The following RBFOX1 variants were observed in gnomAD, a reference collection of about 807,000 sequenced individuals.
The protein encoded by RBFOX1 is RNA binding protein fox-1 homolog 1.
In RBFOX1, 8 loss-of-function variants were observed where a neutral mutation model predicts 57.7. The observed-to-expected ratio is 0.14, with a 90% CI of 0.08 to 0.25. RBFOX1 has a LOEUF of 0.25. RBFOX1 is among the 10% of genes least tolerant of loss of function. RBFOX1 has a pLI of 1.00. For synonymous variants in RBFOX1, 326 were observed against 222.4 expected, an observed-to-expected ratio of 1.47 and a Z score of -4.15; for missense variants, 611 against 548.5, an observed-to-expected ratio of 1.11 and a Z score of -1.14.
intron 4 of RBFOX1, among the ~76,000 whole-genome samples, chr16:7,485,956 G>A (rs2065250708): frequency 1.3e-5 from 2 of 152,226 alleles, no homozygotes; most frequent in South Asian, 4.1e-4. Context: ...CTACAACTGT[G>A]AAGTTGAGTT....
intron 12 of RBFOX1, among the ~76,000 whole-genome samples, chr16:7,661,038 C>G (rs1442319364): frequency 6.6e-6 from 1 of 152,180 alleles, no homozygotes; most frequent in Non-Finnish European, 1.5e-5. Flanking sequence ...AGACTAGGGA[C>G]TGATCCATGG....
chr16:5,629,170 T>A (rs2048430369), intron 3 of RBFOX1, among the ~76,000 whole-genome samples: 2 of 152,220 alleles, frequency 1.3e-5, no homozygotes, highest in African/African-American at 4.8e-5. Context: ...CAGGGCTGGA[T>A]AAGCAACCTG....
At chr16:5,623,856 A>G (rs1038497614) in intron 3 of RBFOX1, among the ~76,000 whole-genome samples, 1 of 152,184 alleles carries the variant, frequency 6.6e-6, no homozygotes, top group African/African-American at 2.4e-5. Context: ...CTATTGAGAT[A>G]TCATTCATAT....
intron 3 of RBFOX1, among the ~76,000 whole-genome samples, chr16:6,770,758 C>G (rs1390546730): frequency 6.6e-6 from 1 of 152,148 alleles, no homozygotes; most frequent in Non-Finnish European, 1.5e-5. Flanking sequence ...ATTCATTCTT[C>G]TTGTCTCCCC....
At chr16:5,682,538 G>A (rs1199261984) in intron 3 of RBFOX1, among the ~76,000 whole-genome samples, 1 of 152,162 alleles carries the variant, frequency 6.6e-6, no homozygotes, top group Non-Finnish European at 1.5e-5. Context: ...CCTGGTTTGT[G>A]CCAGGACATT....
At chr16:5,920,588 G>A (rs1318704117) in intron 4 of RBFOX1, among the ~76,000 whole-genome samples, 1 of 152,158 alleles carries the variant, frequency 6.6e-6, no homozygotes, top group African/African-American at 2.4e-5. Flanking sequence ...CACAGCCCAG[G>A]CAGCTCTGTA....
intron 3 of RBFOX1, among the ~76,000 whole-genome samples, chr16:5,846,385 A>G (rs1402831029): frequency 6.6e-6 from 1 of 151,070 alleles, no homozygotes; most frequent in Non-Finnish European, 1.5e-5. Flanking sequence ...AAAGGAAGGT[A>G]ACTTCTATTA....
chr16:6,065,711 C>T (rs779791854), intron 1 of RBFOX1, among the ~76,000 whole-genome samples: 2 of 152,174 alleles, frequency 1.3e-5, no homozygotes, highest in African/African-American at 4.8e-5. Flanking sequence ...GCCCCTTCCT[C>T]TGTAGACCTA....
At chr16:6,073,419 A>G (rs987923204) in intron 1 of RBFOX1, among the ~76,000 whole-genome samples, 2 of 152,198 alleles carry the variant, frequency 1.3e-5, no homozygotes, top group African/African-American at 2.4e-5. Flanking sequence ...AATTAGTTCA[A>G]TCTAATGTGG....
Position 5,979,776 on chromosome 16 carries a change from C to T in RBFOX1, c.351+112441C>T, listed in dbSNP as rs539896370. ...GCTCCGGAGGCTGAGTTAGGAGAAT[C>T]GCTTGAACCCGGGAGGCAGAGGTTG... On this transcript the variant is annotated intron_variant, in intron 4 of 19. Coordinates refer to the RBFOX1 transcript ENST00000641259. Among the ~76,000 whole-genome samples, 15 of 152,282 alleles carry T rather than the reference C, an allele frequency of 9.9e-5. No homozygotes were observed. The East Asian group carries it at 1.4e-3, about 14-fold the overall frequency.
chr16:7,685,303 T>G (rs2075823151), intron 14 of RBFOX1, among the ~76,000 whole-genome samples: 1 of 152,152 alleles, frequency 6.6e-6, no homozygotes, highest in Admixed American at 6.6e-5. Context: ...CTCTCTACTC[T>G]CCCTTCTTCA....
intron 3 of RBFOX1, among the ~76,000 whole-genome samples, chr16:5,745,473 G>T (rs2052941692): frequency 6.6e-6 from 1 of 152,146 alleles, no homozygotes; most frequent in Non-Finnish European, 1.5e-5. Context: ...TGGGATTGCT[G>T]GGTCAAATGA....
chr16:6,769,351 C>A (rs62016070), intron 3 of RBFOX1, among the ~76,000 whole-genome samples: 1 of 152,088 alleles, frequency 6.6e-6, no homozygotes, highest in Non-Finnish European at 1.5e-5. Context: ...GTCTTTCTCC[C>A]GTAAGTTGCC....
chr16:7,342,656 C>T (rs1054124953), intron 4 of RBFOX1, among the ~76,000 whole-genome samples: 6 of 152,068 alleles, frequency 3.9e-5, no homozygotes, highest in East Asian at 1.9e-4. Flanking sequence ...GTTTGGCCTG[C>T]GTGGACAGTG....
At chr16:6,714,913 T>C (rs530747437) in intron 3 of RBFOX1, among the ~76,000 whole-genome samples, 1 of 152,178 alleles carries the variant, frequency 6.6e-6, no homozygotes, top group East Asian at 1.9e-4. Context: ...AAGCTAAAAG[T>C]GGAGACAGAT....
rs541235225 is a variant in RBFOX1 at position 7,664,821 on chromosome 16, G to A, written c.891-108G>A. On this transcript the variant is annotated intron_variant, in intron 12 of 15. Coordinates refer to ENST00000550418, the MANE Select transcript of RBFOX1 (RefSeq NM_018723.4). ...AATGTGAAAACGATCCTCGGTTCCT[G>A]TGTTTTGGATCTTGTGACCAGACTA... 4.1e-5 allele frequency: 66 copies of A among 1,593,182 alleles called. No homozygotes were observed. In the African/African-American group the frequency reaches 7.1e-4, roughly 17 times the overall value.
At chr16:5,311,882 C>T (rs4786665) in intron 1 of RBFOX1, among the ~76,000 whole-genome samples, 88,039 of 152,106 alleles carry the variant, frequency 0.58, 27,713 homozygotes, top group East Asian at 0.73. Flanking sequence ...GACATTGTTC[C>T]TTCTCTTGAC....
intron 3 of RBFOX1, among the ~76,000 whole-genome samples, chr16:6,709,797 T>C (rs1042947466): frequency 2.0e-5 from 3 of 152,030 alleles, no homozygotes; most frequent in Non-Finnish European, 2.9e-5. Context: ...GCGGCAAGTA[T>C]CTTGGAGGCA....
At chr16:7,287,431 A>T (rs932399195) in intron 4 of RBFOX1, among the ~76,000 whole-genome samples, 5 of 152,112 alleles carry the variant, frequency 3.3e-5, no homozygotes, top group Admixed American at 3.3e-4. Context: ...ATCACCATCA[A>T]ACTTGCTCTA....
Sources: allele counts gnomAD v4.1 joint callset (sites outside exome capture counted in the v4.1 genomes callset), GRCh38; gene constraint gnomAD v4.1.1; transcripts MANE v1.5; gene names NCBI Gene and HGNC (gene_info 2026-07-23, HGNC 2026-07-21).